COL4A1: variants seen among roughly 807,000 people sequenced by gnomAD.
The protein encoded by COL4A1 is collagen alpha-1(IV) chain.
Under a neutral mutation model 216.6 loss-of-function variants are expected in COL4A1, and 40 were observed. The observed-to-expected ratio is 0.18, with a 90% CI of 0.14 to 0.24. The LOEUF is 0.24. COL4A1 is among the 10% of genes least tolerant of loss of function. The pLI, the probability that COL4A1 is intolerant of heterozygous loss-of-function variation, is 1.00. For missense variants in COL4A1, 1,628 were observed against 2,196.8 expected, an observed-to-expected ratio of 0.74 and a Z score of 5.18; for synonymous variants, 839 against 810.7, an observed-to-expected ratio of 1.03 and a Z score of -0.59.
At chr13:110,300,193 C>T (rs971151622) in intron 1 of COL4A1, among the ~76,000 whole-genome samples, 1 of 152,114 alleles carries the variant, frequency 6.6e-6, no homozygotes, top group Non-Finnish European at 1.5e-5. Context: ...ATCTGTACAA[C>T]GCTGAAACAG....
At chr13:110,218,167 C>T (rs915166700) in intron 2 of COL4A1, among the ~76,000 whole-genome samples, 1 of 151,314 alleles carries the variant, frequency 6.6e-6, no homozygotes, top group Non-Finnish European at 1.5e-5. Flanking sequence ...GATGTTAACA[C>T]AAAATATACC....
intron 1 of COL4A1, among the ~76,000 whole-genome samples, chr13:110,263,879 A>G (rs1287575976): frequency 6.6e-6 from 1 of 152,266 alleles, no homozygotes; most frequent in Non-Finnish European, 1.5e-5. Context: ...CTCATTGTAA[A>G]TAAAGGAAAA....
At chr13:110,173,202 G>A (rs1361375777) in intron 40 of COL4A1, among the ~76,000 whole-genome samples, 2 of 152,078 alleles carry the variant, frequency 1.3e-5, no homozygotes, top group Non-Finnish European at 2.9e-5. Context: ...TCAAATCGGG[G>A]GAAAGGAGTG....
chr13:110,162,180 C>T lies in COL4A1; in HGVS notation c.4462+50G>A, dbSNP rs746258731. 1.1e-5 allele frequency: 17 copies of T among 1,524,748 alleles called. No homozygotes were observed. In the South Asian group the frequency reaches 1.9e-4, roughly 17 times the overall value. 94.5% of individuals were successfully genotyped at this position (1,524,748 alleles called of 1,614,324 possible). On this transcript the variant is annotated intron_variant, in intron 48 of 51. Transcript: ENST00000375820. ...CGAGTCCAGCACTGCACACCGAAGG[C>T]ACTCAACACACCTACACTGAATGAA...
At position 110,174,420 on chromosome 13, in the gene COL4A1, G is replaced by A. The variant is rs1471154588; in HGVS notation, c.3406+26C>T. The stretch of plus-strand genomic sequence containing the variant: ...TGGCCACTGTTCTCTATGTGCCCGG[G>A]CTGTGTCCCAAAGAGGGCCCTCTAC... On this transcript the variant is annotated intron_variant, in intron 39 of 51. Coordinates refer to ENST00000375820, the MANE Select transcript of COL4A1 (RefSeq NM_001845.6). 2.5e-6 allele frequency: 4 copies of A among 1,611,874 alleles called. No individual in the cohort carries two copies. In the East Asian group the frequency reaches 8.9e-5, roughly 36 times the overall value.
At chr13:110,189,605 A>G (rs148195703) in intron 24 of COL4A1, among the ~76,000 whole-genome samples, 3 of 152,324 alleles carry the variant, frequency 2.0e-5, no homozygotes, top group African/African-American at 4.8e-5. Context: ...AATTATTTCT[A>G]TGAGCCACCT....
At chr13:110,164,832 T>C (rs769703509) in intron 46 of COL4A1, 30 bp downstream of exon 46, 1 of 1,612,338 alleles carries the variant, frequency 6.2e-7, no homozygotes, top group South Asian at 1.1e-5. Flanking sequence ...GGGCTCCCCA[T>C]ACCGCCCTGC....
intron 49 of COL4A1, among the ~76,000 whole-genome samples, chr13:110,159,013 G>C (rs1249918806): frequency 6.6e-6 from 1 of 152,202 alleles, no homozygotes; most frequent in Admixed American, 6.5e-5. Context: ...AAAGTGCTGG[G>C]ATTACAGGCG....
intron 2 of COL4A1, among the ~76,000 whole-genome samples, chr13:110,232,828 C>T (rs560070704): frequency 2.8e-4 from 43 of 152,162 alleles, no homozygotes; most frequent in African/African-American, 9.2e-4. Flanking sequence ...GCACTAGATT[C>T]GGTAAGCTCC....
chr13:110,279,020 G>T (rs772131038), intron 1 of COL4A1, among the ~76,000 whole-genome samples: 2 of 152,106 alleles, frequency 1.3e-5, no homozygotes, highest in African/African-American at 2.4e-5. Context: ...TGGCTCCTCT[G>T]CGGAACCCAA....
At chr13:110,186,357 G>T in intron 26 of COL4A1, 28 bp downstream of exon 26, 1 of 1,611,856 alleles carries the variant, frequency 6.2e-7, no homozygotes, top group Middle Eastern at 1.9e-4. Context: ...ACAACTTCAT[G>T]CTGCATCACG....
chr13:110,219,800 GTA>G (rs1358506212), intron 2 of COL4A1, among the ~76,000 whole-genome samples: 21 of 132,620 alleles, frequency 1.6e-4, no homozygotes, highest in African/African-American at 4.5e-4. Context: ...GTGTATATAT[GTA>G]TATATGTGTA....
At chr13:110,295,561 G>A (rs1391235619) in intron 1 of COL4A1, among the ~76,000 whole-genome samples, 1 of 151,668 alleles carries the variant, frequency 6.6e-6, no homozygotes, top group African/African-American at 2.4e-5. Context: ...AAGTAGCTGG[G>A]ATTACAGGCG....
rs368346769 is a variant in COL4A1 at position 110,207,536 on chromosome 13, G to A, written c.694-47C>T. 3.7e-5 allele frequency: 55 copies of A among 1,494,356 alleles called. No individual in the cohort carries two copies. The African/African-American group carries it at 7.2e-4, about 19-fold the overall frequency. 92.6% of individuals were successfully genotyped at this position (1,494,356 alleles called of 1,614,324 possible). A position where few individuals can be genotyped will look rare whatever the true frequency, so the allele number is the denominator to read the frequency against. On this transcript the variant is annotated intron_variant, in intron 12 of 51. Transcript: ENST00000375820. This position sits in a 1 kb window ranked among gnomAD's most constrained non-coding sequence, Gnocchi z 4.4. The stretch of plus-strand genomic sequence containing the variant: ...ATTAATTAGGCATGAAAACAATTAT[G>A]CAGACATGAAAAATTGCAGAGAGAG...
intron 26 of COL4A1, among the ~76,000 whole-genome samples, chr13:110,185,156 T>C: frequency 6.6e-6 from 1 of 152,126 alleles, no homozygotes; most frequent in Non-Finnish European, 1.5e-5. Context: ...ATTTATTTAT[T>C]TATTTTTGAG....
chr13:110,167,644 A>G (rs1470425), intron 43 of COL4A1, among the ~76,000 whole-genome samples: 82,055 of 152,092 alleles, frequency 0.54, 22,373 homozygotes, highest in Non-Finnish European at 0.56. Flanking sequence ...CTCAAGTGCA[A>G]TCAGTTTTCT....
chr13:110,200,128 C>T (rs575138016), intron 20 of COL4A1, among the ~76,000 whole-genome samples: 9 of 152,364 alleles, frequency 5.9e-5, no homozygotes, highest in African/African-American at 1.7e-4. Flanking sequence ...GTAAAGGCTG[C>T]GAACACTCCG....
chr13:110,181,177 A>C, intron 29 of COL4A1, 115 bp downstream of exon 29: 1 of 983,624 alleles, frequency 1.0e-6, no homozygotes, highest in Non-Finnish European at 1.6e-6. Flanking sequence ...ATTTCATCAA[A>C]AACAAAAATC....
At chr13:110,151,398 A>C (rs1876491223) in intron 51 of COL4A1, among the ~76,000 whole-genome samples, 1 of 152,176 alleles carries the variant, frequency 6.6e-6, no homozygotes, top group African/African-American at 2.4e-5. Flanking sequence ...TTGGTAGTGA[A>C]TGGTTAAACT....
Sources: gnomAD v4.1 joint callset for allele counts (sites outside exome capture counted in the v4.1 genomes callset) on GRCh38, gnomAD v4.1.1 for gene constraint, Gnocchi (gnomAD v3.1) non-coding constraint, MANE v1.5 for transcripts, NCBI Gene and HGNC (gene_info 2026-07-23, HGNC 2026-07-21) for gene names.